HPSE2: variants seen among roughly 807,000 people sequenced by gnomAD.
HPSE2 encodes the protein heparanase 2 (inactive).
Under a neutral mutation model 60.5 loss-of-function variants are expected in HPSE2, and 38 were observed. The ratio of observed to expected loss-of-function variants is 0.63; its 90% CI spans 0.48 to 0.82. The LOEUF is 0.82. Ranked by LOEUF, HPSE2 falls within the 40% of genes least tolerant of loss-of-function variation. HPSE2 has a pLI of 0.00. For missense variants in HPSE2, 713 were observed against 740.4 expected (o/e 0.96, Z 0.43); for synonymous variants, 295 against 293.2 (o/e 1.01, Z -0.06).
chr10:98,822,948 T>C (rs1318415865), intron 3 of HPSE2, among the ~76,000 whole-genome samples: 1 of 152,224 alleles, frequency 6.6e-6, no homozygotes. Flanking sequence ...GGGGAGATTA[T>C]TCTAAATTAT....
intron 9 of HPSE2, among the ~76,000 whole-genome samples, chr10:98,495,074 A>C (rs1368357182): frequency 6.6e-6 from 1 of 152,194 alleles, no homozygotes; most frequent in Non-Finnish European, 1.5e-5. Context: ...AAGTCTAGTC[A>C]TCACAAAATC....
At chr10:99,296,125 T>C in the HPSE2 span, among the ~76,000 whole-genome samples, 1 of 152,218 alleles carries the variant, frequency 6.6e-6, no homozygotes, top group Non-Finnish European at 1.5e-5. Context: ...TTTAAAAGCT[T>C]GCTCATATAG....
intron 3 of HPSE2, among the ~76,000 whole-genome samples, chr10:99,137,497 T>C (rs547412195): frequency 2.6e-5 from 4 of 152,290 alleles, no homozygotes; most frequent in African/African-American, 7.2e-5. Context: ...CAAATTATAC[T>C]ACAAGGCTAC....
At chr10:98,831,931 C>A (rs1003495375) in intron 3 of HPSE2, among the ~76,000 whole-genome samples, 1 of 152,156 alleles carries the variant, frequency 6.6e-6, no homozygotes, top group Admixed American at 6.5e-5. Context: ...GAGTCCAATC[C>A]ACAGCTGGTA....
chr10:99,184,819 T>TAGAGAGAGAGAGAGAG (rs1177556672), intron 2 of HPSE2, among the ~76,000 whole-genome samples: 1 of 19,868 alleles, frequency 5.0e-5, no homozygotes, highest in Non-Finnish European at 9.9e-5. Flanking sequence ...TATATATATA[T>TAGAGAGAGAGAGAGAG]AGAGAGAGAG....
chr10:99,159,662 A>G (rs1419917045), intron 2 of HPSE2, among the ~76,000 whole-genome samples: 2 of 152,200 alleles, frequency 1.3e-5, no homozygotes, highest in Non-Finnish European at 2.9e-5. Flanking sequence ...AAAAGCCTCA[A>G]AATCAATCAC....
rs191391034 is a variant in HPSE2, at chr10:98,544,899, A to G, written c.1321-54703T>C. Among the ~76,000 whole-genome samples the G allele has an allele frequency of 9.3e-3, 1,419 of 152,256 alleles. 20 individuals are homozygous for G. The highest frequency in any genetic ancestry group is 0.032 in the African/African-American group (1,329 of 41,548). On this transcript the variant is annotated intron_variant, in intron 9 of 11. Coordinates refer to ENST00000370552, the MANE Select transcript of HPSE2 (RefSeq NM_021828.5). ...TTGAAAAGATCAACGAAATTGATAG[A>G]CTGCTAGCAAGACTAATAAAGAAGA...
At chr10:99,142,636 T>C (rs547958448) in intron 3 of HPSE2, among the ~76,000 whole-genome samples, 2 of 152,324 alleles carry the variant, frequency 1.3e-5, no homozygotes, top group East Asian at 3.9e-4. Context: ...TAGTAGAAAG[T>C]AAGCAAGTTG....
intron 11 of HPSE2, among the ~76,000 whole-genome samples, chr10:98,479,093 C>T (rs1290551299): frequency 6.6e-6 from 1 of 152,140 alleles, no homozygotes; most frequent in Non-Finnish European, 1.5e-5. Flanking sequence ...CAAATCTTCC[C>T]AGGCCCAGTG....
intron 1 of HPSE2, among the ~76,000 whole-genome samples, chr10:99,234,767 A>G (rs1849782480): frequency 6.6e-6 from 1 of 151,848 alleles, no homozygotes; most frequent in South Asian, 2.1e-4. Flanking sequence ...CTTCCCTTAT[A>G]ACGCTGTGAC....
the HPSE2 span, among the ~76,000 whole-genome samples, chr10:99,312,200 G>A: frequency 1.8e-3 from 274 of 152,334 alleles, 3 homozygotes; most frequent in African/African-American, 6.4e-3. Flanking sequence ...AGAAGATCAA[G>A]CTAAAATAAC....
chr10:98,762,460 T>C (rs1950027940), intron 3 of HPSE2, among the ~76,000 whole-genome samples: 1 of 152,090 alleles, frequency 6.6e-6, no homozygotes, highest in Non-Finnish European at 1.5e-5. Context: ...CTCATCTAAT[T>C]CTGGATATGA....
chr10:98,503,932 C>G lies in HPSE2; in HGVS notation c.1321-13736G>C, dbSNP rs1942110098. 2.0e-5 allele frequency among the ~76,000 whole-genome samples: 3 copies of G among 152,190 alleles called. No individual in the cohort carries two copies. The South Asian group carries it at 6.2e-4, about 32-fold the overall frequency. The stretch of plus-strand genomic sequence containing the variant: ...GTGTATACTGCTCAAGTGATGGGCA[C>G]AGCAAAATCTTACAAATCACCACTA... On this transcript the variant is annotated intron_variant, in intron 9 of 11. Coordinates refer to ENST00000370552, the MANE Select transcript of HPSE2 (RefSeq NM_021828.5).
chr10:98,592,983 C>A (rs1945131439), intron 9 of HPSE2, among the ~76,000 whole-genome samples: 1 of 152,208 alleles, frequency 6.6e-6, no homozygotes, highest in African/African-American at 2.4e-5. Context: ...AACTGCTCCT[C>A]AGAGTGGGCT....
At chr10:98,678,291 A>G (rs1947698258) in intron 6 of HPSE2, among the ~76,000 whole-genome samples, 1 of 152,180 alleles carries the variant, frequency 6.6e-6, no homozygotes. Flanking sequence ...AAGCTACTGA[A>G]GAAAGTTTAA....
chr10:99,061,031 G>T (rs181379779), intron 3 of HPSE2, among the ~76,000 whole-genome samples: 5 of 151,854 alleles, frequency 3.3e-5, no homozygotes, highest in African/African-American at 9.7e-5. Flanking sequence ...AAGCTCACAG[G>T]GTTTAAAATT....
Position 98,459,194 on chromosome 10 carries a change from C to T in HPSE2, c.*380G>A. On this transcript the variant is annotated 3_prime_UTR_variant, in exon 12 of 12. Transcript: ENST00000370552. ...CTTCCTCTGAGGGCAGCAGCAGCAG[C>T]AGGCTAAGGTTTGGATTTGTGGTTA... is the stretch of plus-strand genomic sequence containing the variant. 3.8e-6 allele frequency: 1 copy of T among 264,150 alleles called. No individual in the cohort carries two copies. Among genetic ancestry groups the T allele is most frequent in the Non-Finnish European group, 7.5e-6 (1 of 134,106 alleles). 16.4% of individuals were successfully genotyped at this position (264,150 alleles called of 1,614,324 possible).
intron 6 of HPSE2, among the ~76,000 whole-genome samples, chr10:98,659,788 T>A (rs983255108): frequency 6.6e-6 from 1 of 151,916 alleles, no homozygotes; most frequent in Non-Finnish European, 1.5e-5. Flanking sequence ...AATTTCCACA[T>A]GAAAAATTAG....
At chr10:99,060,340 T>C (rs1470140334) in intron 3 of HPSE2, among the ~76,000 whole-genome samples, 1 of 151,946 alleles carries the variant, frequency 6.6e-6, no homozygotes, top group Non-Finnish European at 1.5e-5. Flanking sequence ...TTAACAACTA[T>C]CTACCCAAAA....
Sources: gnomAD v4.1 joint callset for allele counts (sites outside exome capture counted in the v4.1 genomes callset) on GRCh38, gnomAD v4.1.1 for gene constraint, MANE v1.5 for transcripts, NCBI Gene and HGNC (gene_info 2026-07-23, HGNC 2026-07-21) for gene names.